PRKG1: variants seen among roughly 807,000 people sequenced by gnomAD.
The protein encoded by PRKG1 is cGMP-dependent protein kinase 1.
A neutral mutation model predicts 88.1 loss-of-function variants in PRKG1; 35 were observed. The observed-to-expected ratio is 0.40, with a 90% CI of 0.30 to 0.53. The LOEUF (loss-of-function observed/expected upper bound fraction) is 0.53. Among genes scored for constraint, PRKG1 ranks in the 20% least tolerant of loss-of-function variants. PRKG1 has a pLI of 0.59. For synonymous variants in PRKG1, 303 were observed against 292.5 expected, an observed-to-expected ratio of 1.04 and a Z score of -0.37; for missense variants, 540 against 839.8, an observed-to-expected ratio of 0.64 and a Z score of 4.41.
intron 3 of PRKG1, chr10:51,699,159 C>T (rs1252449904): frequency 6.2e-7 from 1 of 1,614,066 alleles, no homozygotes; most frequent in African/African-American, 1.3e-5. Flanking sequence ...CTGGCTACTG[C>T]TCTGGTAATC....
intron 3 of PRKG1, among the ~76,000 whole-genome samples, chr10:51,497,064 T>G (rs990443121): frequency 2.0e-5 from 3 of 152,172 alleles, no homozygotes; most frequent in African/African-American, 7.2e-5. Flanking sequence ...TACGGAAAGA[T>G]CATTTGAATG....
Position 51,699,581 on chromosome 10 carries a change from T to C in PRKG1, c.593-105004T>C, listed in dbSNP as rs901751745. 2.5e-6 allele frequency: 4 copies of C among 1,581,272 alleles called. No individual in the cohort carries two copies. In the African/African-American group the frequency reaches 5.4e-5, roughly 21 times the overall value. Reference sequence around the variant, plus strand: ...GGTTGTGCAGACAGCCGATAGCGGATTCTTCGAGGCGTCTGTCCTCTTGCG... The same window carrying C: ...GGTTGTGCAGACAGCCGATAGCGGACTCTTCGAGGCGTCTGTCCTCTTGCG... On this transcript the variant is annotated intron_variant, in intron 3 of 17. Transcript: ENST00000373980.
At chr10:51,849,217 C>T (rs1937701) in intron 4 of PRKG1, among the ~76,000 whole-genome samples, 46,582 of 151,932 alleles carry the variant, frequency 0.31, 10,485 homozygotes, top group African/African-American at 0.64. Flanking sequence ...TTAGTTAGTA[C>T]ATAGGGAAAA....
chr10:51,074,511 G>T lies in PRKG1; in HGVS notation c.-80G>T. 1.3e-6 allele frequency: 2 copies of T among 1,515,740 alleles called. No individual in the cohort carries two copies. Among genetic ancestry groups the T allele is most frequent in the East Asian group, 2.4e-5 (1 of 41,970 alleles). The allele number at this position is 1,515,740 out of a possible 1,614,324, so 93.9% of individuals were successfully genotyped here. ...CACTCGGGAGGCAGCGGCGACTTTG[G>T]GGAAAGTTGATCGGAGAGGGGAGGA... On this transcript the variant is annotated 5_prime_UTR_variant, in exon 1 of 18. Transcript: ENST00000373980.
intron 1 of PRKG1, among the ~76,000 whole-genome samples, chr10:51,099,282 A>AT (rs1355275054): frequency 6.6e-6 from 1 of 151,924 alleles, no homozygotes; most frequent in South Asian, 2.1e-4. Flanking sequence ...TGAAGAAGTT[A>AT]TTTTTACACT....
At chr10:52,258,750 A>T (rs966510638) in intron 10 of PRKG1, among the ~76,000 whole-genome samples, 10 of 152,128 alleles carry the variant, frequency 6.6e-5, no homozygotes, top group African/African-American at 2.4e-4. Context: ...AGATTAACAT[A>T]TTGGAAAAGT....
At chr10:51,086,145 A>G (rs1320116815) in intron 1 of PRKG1, among the ~76,000 whole-genome samples, 1 of 152,210 alleles carries the variant, frequency 6.6e-6, no homozygotes, top group East Asian at 1.9e-4. Flanking sequence ...AAATAAGTAG[A>G]TGTTACTTTG....
intron 2 of PRKG1, among the ~76,000 whole-genome samples, chr10:51,349,339 T>G (rs142813747): frequency 6.6e-6 from 1 of 152,270 alleles, no homozygotes; most frequent in East Asian, 1.9e-4. Context: ...GACCTAATTG[T>G]AAAAGCATAG....
chr10:52,058,645 TA>T (rs1846166024), intron 6 of PRKG1, among the ~76,000 whole-genome samples: 1 of 151,986 alleles, frequency 6.6e-6, no homozygotes, highest in South Asian at 2.1e-4. Flanking sequence ...ACCTAGACTT[TA>T]TACCTTACAT....
At chr10:51,077,340 T>C (rs1403287254) in intron 1 of PRKG1, among the ~76,000 whole-genome samples, 2 of 152,234 alleles carry the variant, frequency 1.3e-5, no homozygotes, top group Admixed American at 1.3e-4. Context: ...TATTGTGAGT[T>C]TCCAGTTAAA....
At chr10:51,841,526 G>T (rs1486417342) in intron 4 of PRKG1, among the ~76,000 whole-genome samples, 1 of 152,106 alleles carries the variant, frequency 6.6e-6, no homozygotes, top group Non-Finnish European at 1.5e-5. Context: ...AATGAACAAT[G>T]AACTAGAAAT....
At chr10:52,047,253 A>G (rs904536800) in intron 5 of PRKG1, among the ~76,000 whole-genome samples, 6 of 152,176 alleles carry the variant, frequency 3.9e-5, no homozygotes, top group Admixed American at 3.3e-4. Flanking sequence ...TATAGCCTGA[A>G]TGAAGTTATC....
intron 3 of PRKG1, among the ~76,000 whole-genome samples, chr10:51,800,375 C>T (rs1043032425): frequency 5.7e-4 from 87 of 151,966 alleles, no homozygotes; most frequent in African/African-American, 2.0e-3. Flanking sequence ...TTGTGTAACT[C>T]GAAAATGCAT....
At chr10:51,854,823 A>G (rs914798367) in intron 4 of PRKG1, among the ~76,000 whole-genome samples, 6 of 152,164 alleles carry the variant, frequency 3.9e-5, no homozygotes, top group Admixed American at 3.9e-4. Context: ...TTATAAATTA[A>G]GAAAATAAAT....
chr10:51,124,205 T>C (rs1184810441), intron 1 of PRKG1, among the ~76,000 whole-genome samples: 2 of 152,172 alleles, frequency 1.3e-5, no homozygotes, highest in East Asian at 3.8e-4. Flanking sequence ...AATTTCCAAG[T>C]ACTTCTTTTT....
At chr10:51,964,186 G>A (rs911454276) in intron 5 of PRKG1, among the ~76,000 whole-genome samples, 2 of 152,026 alleles carry the variant, frequency 1.3e-5, no homozygotes, top group East Asian at 3.9e-4. Context: ...TAATGATCCT[G>A]GTGTTTGGGT....
At chr10:51,822,188 A>G (rs1428135161) in intron 4 of PRKG1, among the ~76,000 whole-genome samples, 2 of 151,954 alleles carry the variant, frequency 1.3e-5, no homozygotes, top group South Asian at 2.1e-4. Flanking sequence ...GTGTGTGTAT[A>G]TGGTGTGTGT....
At chr10:52,075,292 C>T (rs144357996) in intron 7 of PRKG1, among the ~76,000 whole-genome samples, 80 of 152,268 alleles carry the variant, frequency 5.3e-4, no homozygotes, top group African/African-American at 1.7e-3. Context: ...TACGTTCATA[C>T]GTTGTAAGAC....
intron 1 of PRKG1, among the ~76,000 whole-genome samples, chr10:51,007,506 A>G (rs534855732): frequency 2.6e-5 from 4 of 152,328 alleles, no homozygotes; most frequent in Admixed American, 2.6e-4. Flanking sequence ...ACCTTCTGGT[A>G]TTCTTGTCCC....
Sources: allele counts gnomAD v4.1 joint callset (sites outside exome capture counted in the v4.1 genomes callset), GRCh38; gene constraint gnomAD v4.1.1; transcripts MANE v1.5; gene names NCBI Gene and HGNC (gene_info 2026-07-23, HGNC 2026-07-21).